Variants in PTPN14 observed in about 807,000 individuals in gnomAD.
PTPN14 encodes protein tyrosine phosphatase non-receptor type 14, also known as tyrosine-protein phosphatase non-receptor type 14.
In PTPN14, 53 loss-of-function variants were observed where a neutral mutation model predicts 126.8. That is an observed-to-expected ratio of 0.42 (90% CI 0.34 to 0.53). The LOEUF is 0.53. Among genes scored for constraint, PTPN14 ranks in the 20% least tolerant of loss-of-function variants. The pLI is 0.08. For synonymous variants in PTPN14, 630 were observed against 599.3 expected (o/e 1.05, Z -0.75); for missense variants, 1,257 against 1,552.9 (o/e 0.81, Z 3.20).
chr1:214,388,916 G>A (rs1188137741), intron 11 of PTPN14, among the ~76,000 whole-genome samples: 1 of 151,782 alleles, frequency 6.6e-6, no homozygotes, highest in Non-Finnish European at 1.5e-5. Flanking sequence ...GATCTTCAAA[G>A]GGGTAATAAA....
chr1:214,451,655 T>A, intron 3 of PTPN14, 150 bp downstream of exon 3: 1 of 908,146 alleles, frequency 1.1e-6, no homozygotes, highest in Non-Finnish European at 1.6e-6. Context: ...AAGCAATGAG[T>A]AAACAACCCC....
chr1:214,502,895 CA>C (rs1383037416), intron 1 of PTPN14, among the ~76,000 whole-genome samples: 2 of 152,120 alleles, frequency 1.3e-5, no homozygotes, highest in Non-Finnish European at 2.9e-5. Context: ...TCAGTTTTTG[CA>C]GAAGATCTTA....
In PTPN14 at chr1:214,351,911, T is replaced by C. The variant is rs1657716278; in HGVS notation, c.*6011A>G. 6.6e-6 allele frequency: 1 copy of C among 152,210 alleles called. No homozygotes were observed. The highest frequency in any genetic ancestry group is 6.5e-5 in the Admixed American group (1 of 15,282). 9.4% of individuals were successfully genotyped at this position (152,210 alleles called of 1,614,324 possible). On this transcript the variant is annotated 3_prime_UTR_variant, in exon 19 of 19. Transcript: ENST00000366956. ...AACTTTTGGATAGCAACTTCAGGAC[T>C]GATGCAAAAATCCTTCCTCTCCCTC...
chr1:214,449,951 C>T (rs1182512139), intron 3 of PTPN14, among the ~76,000 whole-genome samples: 3 of 151,652 alleles, frequency 2.0e-5, no homozygotes, highest in East Asian at 1.9e-4. Context: ...GGAAATACAG[C>T]GAGACTTCAT....
Position 214,350,048 on chromosome 1 carries a change from TCCTCTAAAA to T in PTPN14, c.*7865_*7873del, listed in dbSNP as rs1657672738. 1 of 152,236 alleles carries T rather than the reference TCCTCTAAAA, an allele frequency of 6.6e-6. No homozygotes were observed. The highest frequency in any genetic ancestry group is 6.5e-5 in the Admixed American group (1 of 15,286). The allele number at this position is 152,236 out of a possible 1,614,324, so 9.4% of individuals were successfully genotyped here. On this transcript the variant is annotated 3_prime_UTR_variant, in exon 19 of 19. Coordinates refer to ENST00000366956, the MANE Select transcript of PTPN14 (RefSeq NM_005401.5). ...TCCCAATCCAATCTTTTCAGCTTTA[TCCTCTAAAA>T]CCTTTTGTCAGATGAGATAGCATTT... is the stretch of plus-strand genomic sequence containing the variant.
chr1:214,495,772 G>A (rs1023243217), intron 1 of PTPN14, among the ~76,000 whole-genome samples: 8 of 151,986 alleles, frequency 5.3e-5, no homozygotes, highest in Non-Finnish European at 7.4e-5. Flanking sequence ...TCAGCTCACC[G>A]CAACCTCCGC....
At chr1:214,488,136 G>A (rs1661156091) in intron 1 of PTPN14, among the ~76,000 whole-genome samples, 1 of 152,182 alleles carries the variant, frequency 6.6e-6, no homozygotes, top group South Asian at 2.1e-4. Flanking sequence ...TAAACATTAA[G>A]AGCGTCTCCA....
chr1:214,450,402 G>A lies in PTPN14; in HGVS notation c.344+1403C>T, dbSNP rs191534876. ...CACGAGAATCGCTTGAACCTGGGAG[G>A]TGGAGGCTGCAGTAAGCCAAGATCG... On this transcript the variant is annotated intron_variant, in intron 3 of 18. Transcript: ENST00000366956. 4.2e-3 allele frequency among the ~76,000 whole-genome samples: 640 copies of A among 150,764 alleles called. 6 individuals carry two copies. Among genetic ancestry groups the A allele is most frequent in the Middle Eastern group, 0.017 (5 of 288 alleles).
intron 1 of PTPN14, among the ~76,000 whole-genome samples, chr1:214,542,486 T>C (rs1156874790): frequency 1.3e-5 from 2 of 151,756 alleles, no homozygotes; most frequent in Non-Finnish European, 2.9e-5. Context: ...GGCAGGGACA[T>C]GGGGGAGTGA....
At chr1:214,461,788 A>G (rs1016973249) in intron 2 of PTPN14, among the ~76,000 whole-genome samples, 1 of 152,180 alleles carries the variant, frequency 6.6e-6, no homozygotes, top group East Asian at 1.9e-4. Flanking sequence ...ATCTTGTGCA[A>G]TAGAGTTAGG....
chr1:214,481,243 C>T (rs1448831877), intron 1 of PTPN14, among the ~76,000 whole-genome samples: 1 of 152,126 alleles, frequency 6.6e-6, no homozygotes, highest in Admixed American at 6.5e-5. Flanking sequence ...CAGTGGCTCA[C>T]GCCTATAATC....
Position 214,549,786 on chromosome 1 carries a change from G to C in PTPN14, c.-155+1397C>G, listed in dbSNP as rs535262651. Among the ~76,000 whole-genome samples the C allele has an allele frequency of 3.9e-5, 6 of 152,314 alleles. No homozygotes were observed. In the East Asian group the frequency reaches 1.2e-3, roughly 29 times the overall value. On this transcript the variant is annotated intron_variant, in intron 1 of 18. Transcript: ENST00000366956. ...GCTGCTTGTGGTAAAACAGCAGCAG[G>C]CATGGAGGTGTATCCAATTAGGGAG...
At chr1:214,426,532 GA>G (rs201326153) in intron 3 of PTPN14, among the ~76,000 whole-genome samples, 6,835 of 144,354 alleles carry the variant, frequency 0.047, 161 homozygotes, top group South Asian at 0.074. Context: ...ACTTCCTAGA[GA>G]AAAAAAAAAA....
At chr1:214,370,143 G>A (rs751548242) in intron 16 of PTPN14, among the ~76,000 whole-genome samples, 1 of 152,144 alleles carries the variant, frequency 6.6e-6, no homozygotes, top group Non-Finnish European at 1.5e-5. Flanking sequence ...AGCCAGGCGC[G>A]GTGGCGGGTG....
At chr1:214,523,455 T>TCAGTA (rs1655309968) in intron 1 of PTPN14, among the ~76,000 whole-genome samples, 1 of 152,206 alleles carries the variant, frequency 6.6e-6, no homozygotes, top group Non-Finnish European at 1.5e-5. Context: ...TCTACAGTAT[T>TCAGTA]CAGTACAGTA....
chr1:214,520,409 T>C (rs1479828352), intron 1 of PTPN14, among the ~76,000 whole-genome samples: 2 of 152,158 alleles, frequency 1.3e-5, no homozygotes, highest in Non-Finnish European at 2.9e-5. Context: ...AACTCCAGCA[T>C]AACAGATACA....
chr1:214,490,665 T>C (rs897259659), intron 1 of PTPN14, among the ~76,000 whole-genome samples: 2 of 151,446 alleles, frequency 1.3e-5, no homozygotes. Flanking sequence ...GGTGAAACCC[T>C]GTTTCTACTA....
intron 15 of PTPN14, among the ~76,000 whole-genome samples, chr1:214,373,575 AC>A (rs1658270518): frequency 1.6e-4 from 18 of 109,292 alleles, no homozygotes; most frequent in Admixed American, 1.5e-3. Context: ...ACACACACAC[AC>A]ACACACACAC....
At chr1:214,512,722 C>T (rs1179311410) in intron 1 of PTPN14, among the ~76,000 whole-genome samples, 3 of 152,178 alleles carry the variant, frequency 2.0e-5, no homozygotes, top group Admixed American at 6.5e-5. Context: ...GACAGCATCT[C>T]GCTCTGTTGC....
Sources: gnomAD v4.1 joint callset for allele counts (sites outside exome capture counted in the v4.1 genomes callset) on GRCh38, gnomAD v4.1.1 for gene constraint, MANE v1.5 for transcripts, NCBI Gene and HGNC (gene_info 2026-07-23, HGNC 2026-07-21) for gene names.